The following TRPV3 variants were observed in gnomAD, a reference collection of about 807,000 sequenced individuals.
TRPV3 encodes transient receptor potential cation channel subfamily V member 3.
Under a neutral mutation model 87.1 loss-of-function variants are expected in TRPV3, and 88 were observed. The ratio of observed to expected loss-of-function variants is 1.01; its 90% confidence interval spans 0.85 to 1.21. The LOEUF is 1.21. Among genes scored for constraint, TRPV3 ranks in the 50% most tolerant of loss-of-function variants. The pLI is 0.00. For missense variants in TRPV3, 1,054 were observed against 1,030.1 expected, an observed-to-expected ratio of 1.02 and a Z score of -0.32; for synonymous variants, 438 against 423.3, an observed-to-expected ratio of 1.03 and a Z score of -0.43.
In TRPV3 at chr17:3,524,278, T is replaced by C. The variant is rs748334382; in HGVS notation, c.1663A>G (p.Met555Val). ...KEYLACLVLA[M>V]ALGWANMLYY... ...AGCATGTTCGCCCAGCCCAGGGCCA[T>C]GGCCAGCACGAGGCAGGCGAGGTAC... Residue 555 changes from methionine (M) to valine (V), a missense_variant, in exon 13 of 18, where the codon ATG (methionine) becomes GTG (valine). Met to Val is a conservative substitution (Grantham distance 21, BLOSUM62 1). Transcript: ENST00000576742. 4.3e-6 allele frequency: 7 copies of C among 1,614,248 alleles called. No individual in the cohort carries two copies. Among genetic ancestry groups the C allele is most frequent in the South Asian group, 2.2e-5 (2 of 91,092 alleles).
intron 16 of TRPV3, among the ~76,000 whole-genome samples, chr17:3,515,925 G>A (rs1246132921): frequency 6.6e-6 from 1 of 152,068 alleles, no homozygotes. Context: ...GGTGGCTCAT[G>A]CCTGTAATCC....
intron 8 of TRPV3, among the ~76,000 whole-genome samples, chr17:3,532,023 T>C (rs1201521611): frequency 6.6e-6 from 1 of 152,310 alleles, no homozygotes; most frequent in Middle Eastern, 3.4e-3. Flanking sequence ...AGGAACACGC[T>C]TGGACCCCAG....
rs567361318 is a variant in TRPV3, at chr17:3,511,247, G to T, written c.*2670C>A. ...TTCAACTAGTCATAGGGAACATAGGGGACAATGTTGACTGCCAAATGAGAC... is the reference window on the plus strand; with the variant it reads ...TTCAACTAGTCATAGGGAACATAGGTGACAATGTTGACTGCCAAATGAGAC... On this transcript the variant is annotated 3_prime_UTR_variant, in exon 18 of 18. Transcript: ENST00000576742. 2.0e-5 allele frequency: 3 copies of T among 152,210 alleles called. No individual in the cohort carries two copies. The East Asian group carries it at 5.8e-4, about 29-fold the overall frequency. The allele number at this position is 152,210 out of a possible 1,614,324, so 9.4% of individuals were successfully genotyped here.
Position 3,516,477 on chromosome 17 carries a change from A to T in TRPV3, c.2178T>A (p.Asp726Glu). The T allele has an allele frequency of 6.2e-7, 1 of 1,614,052 alleles. No homozygotes were observed. The highest frequency in any genetic ancestry group is 8.5e-7 in the Non-Finnish European group (1 of 1,179,964). The change falls in exon 16 of 18, where the codon GAT (aspartate) becomes GAA (glutamate). Residue 726 changes from aspartate (D) to glutamate (E), a missense_variant. Transcript: ENST00000576742. ...GTTACCGCAAACACAGTCGGAAATC[A>T]TCCTCGGCCACTTTGCACAGCTCTC... ...RMGELCKVAE[D>E]DFRLCLRINE...
At chr17:3,520,938 A>G in intron 14 of TRPV3, 35 bp downstream of exon 14, 1 of 1,425,076 alleles carries the variant, frequency 7.0e-7, no homozygotes, top group Non-Finnish European at 9.9e-7. Context: ...AGTGTTTATA[A>G]ATGTGGGAGT....
At chr17:3,548,861 A>C (rs959308541) in intron 2 of TRPV3, among the ~76,000 whole-genome samples, 1 of 152,024 alleles carries the variant, frequency 6.6e-6, no homozygotes, top group Non-Finnish European at 1.5e-5. Flanking sequence ...AGTCATCTTC[A>C]CCTGAATGGA....
Position 3,524,234 on chromosome 17 carries a change from G to C in TRPV3, c.1707C>G (p.Phe569Leu), listed in dbSNP as rs578046649. The C allele has an allele frequency of 2.5e-6, 4 of 1,614,120 alleles. No homozygotes were observed. In the African/African-American group the frequency reaches 5.3e-5, roughly 22 times the overall value. ...TGACGCTGTACATGCCCATGGACTGGAAACCCCGCGTATAGTAGAGCATGT... is the reference window on the plus strand; with the variant it reads ...TGACGCTGTACATGCCCATGGACTGCAAACCCCGCGTATAGTAGAGCATGT... ...WANMLYYTRGFQSMGMYSVMI... is the reference protein window; with the variant it reads ...WANMLYYTRGLQSMGMYSVMI... Residue 569 changes from phenylalanine to leucine, a missense_variant, in exon 13 of 18, where the codon TTC becomes TTG. Physicochemically the swap from Phe to Leu is conservative, Grantham distance 22. Transcript: ENST00000576742.
chr17:3,524,117 T>C, intron 13 of TRPV3, 81 bp downstream of exon 13: 1 of 1,556,702 alleles, frequency 6.4e-7, no homozygotes. Flanking sequence ...TAAACCCCTC[T>C]TCCTCTCCAG....
Position 3,556,353 on chromosome 17 carries a change from A to G in TRPV3, c.-3+1323T>C, listed in dbSNP as rs1376122695. Among the ~76,000 whole-genome samples, 5 of 137,172 alleles carry G rather than the reference A, an allele frequency of 3.6e-5. No individual in the cohort carries two copies. The Admixed American group carries it at 3.7e-4, about 10-fold the overall frequency. The allele number at this position is 137,172 out of a possible 152,430, so 90.0% of individuals were successfully genotyped here. ...CCAGGGGCCAGGAGGAGGCTGCTGCAGGGGCCATAGGGACGGGGAAGGGGG... is the reference window on the plus strand; with the variant it reads ...CCAGGGGCCAGGAGGAGGCTGCTGCGGGGGCCATAGGGACGGGGAAGGGGG... On this transcript the variant is annotated intron_variant, in intron 1 of 17. Transcript: ENST00000576742. This position sits in a 1 kb window ranked among gnomAD's most constrained non-coding sequence, Gnocchi z 4.2.
rs976527616 is a variant in TRPV3, at chr17:3,557,272, C to G, written c.-3+404G>C. Among the ~76,000 whole-genome samples, 9 of 152,166 alleles carry G rather than the reference C, an allele frequency of 5.9e-5. No homozygotes were observed. The highest frequency in any genetic ancestry group is 1.0e-4 in the Non-Finnish European group (7 of 68,010). ...CACCTGTGAGATGCCTGGGCCCCGTCTGTCTCCCACGGTGGGGCCACCTCC... is the reference window on the plus strand; with the variant it reads ...CACCTGTGAGATGCCTGGGCCCCGTGTGTCTCCCACGGTGGGGCCACCTCC... On this transcript the variant is annotated intron_variant, in intron 1 of 17. Transcript: ENST00000576742. This position sits in a 1 kb window ranked among gnomAD's most constrained non-coding sequence, Gnocchi z 4.5.
At chr17:3,532,508 G>T (rs1419871324) in intron 8 of TRPV3, 149 bp downstream of exon 8, 4 of 1,039,866 alleles carry the variant, frequency 3.8e-6, no homozygotes, top group Non-Finnish European at 5.5e-6. Flanking sequence ...CGGCCGCCAC[G>T]CCACTGCAGT....
At chr17:3,535,518 C>T (rs1454519955) in intron 7 of TRPV3, 55 bp downstream of exon 7, 17 of 1,471,056 alleles carry the variant, frequency 1.2e-5, no homozygotes, top group South Asian at 2.6e-5. Flanking sequence ...CCCTTCCTCT[C>T]CCGTCTCCCT....
In TRPV3 at chr17:3,512,999, G is replaced by C. The variant is rs761901491; in HGVS notation, c.*918C>G. 1.3e-5 allele frequency: 2 copies of C among 152,166 alleles called. No individual in the cohort carries two copies. Among genetic ancestry groups the C allele is most frequent in the Non-Finnish European group, 2.9e-5 (2 of 68,046 alleles). The allele number at this position is 152,166 out of a possible 1,614,324, so 9.4% of individuals were successfully genotyped here. On this transcript the variant is annotated 3_prime_UTR_variant, in exon 18 of 18. Transcript: ENST00000576742. ...GCACGCGCTACTGTGAGGTCAGGAC[G>C]AGGAAAAGAGCCAGGACCTTTCACC...
intron 6 of TRPV3, among the ~76,000 whole-genome samples, chr17:3,538,429 GA>G (rs1308761260): frequency 7.7e-5 from 10 of 130,588 alleles, no homozygotes; most frequent in Non-Finnish European, 1.4e-4. Flanking sequence ...CACCAGACTG[GA>G]AAAGAACAAA....
At position 3,514,593 on chromosome 17, in the gene TRPV3, C is replaced by G. The variant is rs768756820; in HGVS notation, c.2278G>C (p.Asp760His). ...CCATGTCACCTCACAGCGACAGTAC[C>G]TGTTCGTCTTACAGGCCCCGGGTCT... is the stretch of plus-strand genomic sequence containing the variant. ...NEDPGPVRRT[D>H]FNKIQDSSRN... The change falls in exon 17 of 18, where the codon GAT becomes CAT. Residue 760 changes from aspartate (D) to histidine (H), a missense_variant and splice_region_variant. Asp to His is a moderately conservative substitution (Grantham distance 81, BLOSUM62 -1). Transcript: ENST00000576742. 3.7e-6 allele frequency: 6 copies of G among 1,612,266 alleles called. No individual in the cohort carries two copies. Among genetic ancestry groups the G allele is most frequent in the Non-Finnish European group, 5.1e-6 (6 of 1,178,322 alleles).
At chr17:3,520,945 G>A (rs1446211584) in intron 14 of TRPV3, 28 bp downstream of exon 14, 1 of 1,452,780 alleles carries the variant, frequency 6.9e-7, no homozygotes, top group Non-Finnish European at 9.7e-7. Flanking sequence ...ATAAATGTGG[G>A]AGTTACTATT....
At chr17:3,514,235 C>T (rs1198087712) in intron 17 of TRPV3, 6 of 490,178 alleles carry the variant, frequency 1.2e-5, no homozygotes, top group Non-Finnish European at 2.2e-5. Flanking sequence ...CCTGCCACCA[C>T]GTTCGGCTAA....
intron 6 of TRPV3, among the ~76,000 whole-genome samples, chr17:3,539,094 G>A (rs1216460764): frequency 6.6e-6 from 1 of 152,136 alleles, no homozygotes; most frequent in African/African-American, 2.4e-5. Context: ...CGAATCTGGT[G>A]AAAAGAAGCT....
rs1360906487 is a variant in TRPV3 at position 3,556,693 on chromosome 17, C to T, written c.-3+983G>A. Reference sequence around the variant, plus strand: ...AGGCTCAGGATGGAGGAGGCATCGGCGAGGGAGAGCTTTGGCCCTGGAGCG... The same window carrying T: ...AGGCTCAGGATGGAGGAGGCATCGGTGAGGGAGAGCTTTGGCCCTGGAGCG... On this transcript the variant is annotated intron_variant, in intron 1 of 17. Coordinates refer to ENST00000576742, the MANE Select transcript of TRPV3 (RefSeq NM_145068.4). This position sits in a 1 kb window ranked among gnomAD's most constrained non-coding sequence, Gnocchi z 4.2. 2.6e-5 allele frequency among the ~76,000 whole-genome samples: 4 copies of T among 152,204 alleles called. No individual in the cohort carries two copies. Among genetic ancestry groups the T allele is most frequent in the East Asian group, 1.9e-4 (1 of 5,178 alleles).
Sources: gnomAD v4.1 joint callset for allele counts (sites outside exome capture counted in the v4.1 genomes callset) on GRCh38, gnomAD v4.1.1 for gene constraint, Gnocchi (gnomAD v3.1) non-coding constraint, MANE v1.5 for transcripts, NCBI Gene and HGNC (gene_info 2026-07-23, HGNC 2026-07-21) for gene names.